The following PDE2A variants were observed in gnomAD, a reference collection of about 807,000 sequenced individuals.
PDE2A encodes the protein phosphodiesterase 2A.
Under a neutral mutation model 133.6 loss-of-function variants are expected in PDE2A, and 53 were observed. The ratio of observed to expected loss-of-function variants is 0.40; its 90% confidence interval spans 0.32 to 0.50. PDE2A has a LOEUF of 0.50. Among genes scored for constraint, PDE2A ranks in the 20% least tolerant of loss-of-function variants. The pLI is 0.73. For missense variants in PDE2A, 796 were observed against 1,232.4 expected, an observed-to-expected ratio of 0.65 and a Z score of 5.30; for synonymous variants, 491 against 490.2, an observed-to-expected ratio of 1.00 and a Z score of -0.02.
intron 1 of PDE2A, among the ~76,000 whole-genome samples, chr11:72,653,263 G>T (rs1354129840): frequency 6.6e-6 from 1 of 152,210 alleles, no homozygotes; most frequent in African/African-American, 2.4e-5. Flanking sequence ...GACCAGTCAG[G>T]CCCTGAGAGA....
chr11:72,664,238 A>G (rs928382271), intron 1 of PDE2A, among the ~76,000 whole-genome samples: 1 of 151,996 alleles, frequency 6.6e-6, no homozygotes, highest in Non-Finnish European at 1.5e-5. Context: ...GTAACTTGAC[A>G]TGTCCTGCTG....
At position 72,580,988 on chromosome 11, in the gene PDE2A, G is replaced by A. The variant is rs116290081; in HGVS notation, c.2046-15C>T. On this transcript the variant is annotated splice_polypyrimidine_tract_variant and intron_variant, in intron 23 of 30. Coordinates refer to ENST00000334456, the MANE Select transcript of PDE2A (RefSeq NM_002599.5). The stretch of plus-strand genomic sequence containing the variant: ...TCTCGATGTCCCTGGTTGAGAGGCA[G>A]AAAGGAGAAAAAAAAGAGGTCAGCC... 8.9e-4 allele frequency: 1,413 copies of A among 1,579,396 alleles called. 7 individuals carry two copies. The African/African-American group carries it at 0.017, about 19-fold the overall frequency.
intron 1 of PDE2A, among the ~76,000 whole-genome samples, chr11:72,646,548 A>T (rs1591126091): frequency 6.6e-6 from 1 of 151,858 alleles, no homozygotes; most frequent in East Asian, 1.9e-4. Context: ...GTAGCCCAGG[A>T]CCCCCCAAAG....
chr11:72,639,433 C>T (rs1268501089), intron 2 of PDE2A, among the ~76,000 whole-genome samples: 1 of 152,186 alleles, frequency 6.6e-6, no homozygotes, highest in African/African-American at 2.4e-5. Flanking sequence ...CCAGGAAGGG[C>T]GCTGGGCCAC....
intron 4 of PDE2A, among the ~76,000 whole-genome samples, chr11:72,603,145 G>A (rs1156998565): frequency 6.6e-6 from 1 of 152,184 alleles, no homozygotes; most frequent in Non-Finnish European, 1.5e-5. Flanking sequence ...TCCCCTGGGA[G>A]GTCCTTGCTG....
intron 6 of PDE2A, among the ~76,000 whole-genome samples, chr11:72,595,534 C>T (rs1300789592): frequency 6.6e-6 from 1 of 152,086 alleles, no homozygotes; most frequent in Admixed American, 6.5e-5. Flanking sequence ...CCCTCTCCTC[C>T]CCTCTCAGCC....
Position 72,590,111 on chromosome 11 carries a change from T to A in PDE2A, c.756+81A>T. The A allele has an allele frequency of 1.4e-6, 2 of 1,414,890 alleles. No individual in the cohort carries two copies. Among genetic ancestry groups the A allele is most frequent in the Non-Finnish European group, 1.9e-6 (2 of 1,028,760 alleles). The allele number at this position is 1,414,890 out of a possible 1,614,324, so 87.6% of individuals were successfully genotyped here. A position where few individuals can be genotyped will look rare whatever the true frequency, so the allele number is the denominator to read the frequency against. ...GAAGGAAGGACATCGTAATTGGAAC[T>A]GAGATGGAGGGCTCAAGGGGAAGTT... On this transcript the variant is annotated intron_variant, in intron 9 of 30. Transcript: ENST00000334456. The surrounding 1 kb of genome is among the most constrained non-coding windows in gnomAD (Gnocchi z 4.8).
chr11:72,584,911 C>T lies in PDE2A; in HGVS notation c.1320G>A (p.Leu440=), dbSNP rs775608161. Reference sequence around the variant, plus strand: ...CGCCCCCGTCGAACACCTTGGCCACCAGCTCATTCTGATCCAGCAGGAACA... The same window carrying T: ...CGCCCCCGTCGAACACCTTGGCCACTAGCTCATTCTGATCCAGCAGGAACA... The part of the protein sequence containing the change: ...CSVFLLDQNE[L]VAKVFDGGVV... Residue 440 remains leucine (L), a synonymous_variant, in exon 17 of 31, where the codon CTG becomes CTA. Coordinates refer to ENST00000334456, the MANE Select transcript of PDE2A (RefSeq NM_002599.5). 1 of 1,614,056 alleles carries T rather than the reference C, an allele frequency of 6.2e-7. No individual in the cohort carries two copies. The highest frequency in any genetic ancestry group is 8.5e-7 in the Non-Finnish European group (1 of 1,180,044).
Position 72,589,923 on chromosome 11 carries a change from A to G in PDE2A, c.815T>C (p.Leu272Pro). ...CCLLLVSEDN[L>P]QLSCKVIGDK... ...GGCCCTCACCTTGCAAGAAAGCTGG[A>G]GATTGTCCTCCGACACCAGCAGGAG... The change falls in exon 10 of 31, where the codon CTC becomes CCC. Residue 272 changes from leucine to proline, a missense_variant. Physicochemically the swap from Leu to Pro is moderately conservative, Grantham distance 98 (BLOSUM62 -3). Around this residue, in one of 7 missense-constraint regions of PDE2A, gnomAD observed 417 missense variants for 475.3 expected, o/e 0.88. Coordinates refer to ENST00000334456, the MANE Select transcript of PDE2A (RefSeq NM_002599.5). 6.2e-7 allele frequency: 1 copy of G among 1,613,084 alleles called. No homozygotes were observed. The highest frequency in any genetic ancestry group is 1.1e-5 in the South Asian group (1 of 90,880).
chr11:72,624,335 C>A (rs1368328509), intron 2 of PDE2A, among the ~76,000 whole-genome samples: 1 of 152,162 alleles, frequency 6.6e-6, no homozygotes, highest in African/African-American at 2.4e-5. Flanking sequence ...CCGCCTGAAC[C>A]CATCGGTGCC....
chr11:72,588,497 C>G (rs935500105), intron 13 of PDE2A, among the ~76,000 whole-genome samples: 1 of 152,174 alleles, frequency 6.6e-6, no homozygotes. Context: ...GCACACCCAC[C>G]CCTCCATCTA....
intron 2 of PDE2A, among the ~76,000 whole-genome samples, chr11:72,612,694 G>A (rs1169429800): frequency 6.7e-6 from 1 of 150,282 alleles, no homozygotes; most frequent in East Asian, 1.9e-4. Flanking sequence ...GGATGGGTGG[G>A]TGGATGGTGG....
intron 3 of PDE2A, 91 bp from the exon 4 acceptor site, chr11:72,605,317 A>T (rs1039412919): frequency 3.4e-6 from 2 of 594,346 alleles, no homozygotes; most frequent in Non-Finnish European, 5.6e-6. Flanking sequence ...GGGCAAGGTC[A>T]TGGAACCTGT....
At chr11:72,634,891 C>T (rs1232409725) in intron 2 of PDE2A, among the ~76,000 whole-genome samples, 1 of 152,236 alleles carries the variant, frequency 6.6e-6, no homozygotes, top group Non-Finnish European at 1.5e-5. Flanking sequence ...CTGCCCTTGT[C>T]TGAGCCTTTG....
chr11:72,654,027 CAG>C (rs1289711767), intron 1 of PDE2A, among the ~76,000 whole-genome samples: 2 of 152,230 alleles, frequency 1.3e-5, no homozygotes, highest in South Asian at 4.1e-4. Context: ...TCAGTTAGTG[CAG>C]AGAGGCACAT....
chr11:72,642,241 G>A lies in PDE2A; in HGVS notation c.144+13C>T, dbSNP rs1858985080. ...CCCCGTTCTCCTGGTGCCCAGCGCG[G>A]GGGCCCCCCTACCTGCAGGCTGTCG... On this transcript the variant is annotated intron_variant, in intron 2 of 30. Transcript: ENST00000334456. The A allele has an allele frequency of 6.7e-7, 1 of 1,503,538 alleles. No individual in the cohort carries two copies. 93.1% of individuals were successfully genotyped at this position (1,503,538 alleles called of 1,614,324 possible).
In PDE2A at chr11:72,595,834, C is replaced by T. The variant is rs904075210; in HGVS notation, c.489+759G>A. ...AGAAACGGAAAGAGCGGCAGAATCC[C>T]GTCCCCACAGGCTCTGCACTTCCAC... On this transcript the variant is annotated intron_variant, in intron 6 of 30. Transcript: ENST00000334456. 5.9e-5 allele frequency among the ~76,000 whole-genome samples: 9 copies of T among 152,110 alleles called. No individual in the cohort carries two copies. In the East Asian group the frequency reaches 1.5e-3, roughly 26 times the overall value.
chr11:72,584,177 C>T, intron 19 of PDE2A, 24 bp downstream of exon 19: 1 of 1,162,728 alleles, frequency 8.6e-7, no homozygotes, highest in Non-Finnish European at 1.3e-6. Flanking sequence ...TCACCCCACA[C>T]CCCACTCCCA....
At chr11:72,596,388 G>A (rs1856477397) in intron 6 of PDE2A, among the ~76,000 whole-genome samples, 1 of 151,328 alleles carries the variant, frequency 6.6e-6, no homozygotes, top group African/African-American at 2.4e-5. Flanking sequence ...CTGGGGTGTG[G>A]GAGATGCCCC....
Sources: gnomAD v4.1 joint callset for allele counts (sites outside exome capture counted in the v4.1 genomes callset) on GRCh38, gnomAD v4.1.1 for gene constraint, gnomAD v4.1.1 regional missense constraint, Gnocchi (gnomAD v3.1) non-coding constraint, MANE v1.5 for transcripts, NCBI Gene and HGNC (gene_info 2026-07-23, HGNC 2026-07-21) for gene names.